Variants in SYCP1 observed in about 807,000 individuals in gnomAD.
SYCP1 encodes cancer/testis antigen 8.
SYCP1 carries 64 observed loss-of-function variants against 153.1 expected under a neutral mutation model. That is an observed-to-expected ratio of 0.42 (90% CI 0.34 to 0.51). The LOEUF (loss-of-function observed/expected upper bound fraction) is 0.51. Among genes scored for constraint, SYCP1 ranks in the 20% least tolerant of loss-of-function variants. The pLI, the probability that SYCP1 is intolerant of heterozygous loss-of-function variation, is 0.06. For missense variants in SYCP1, 997 were observed against 1,049.0 expected, an observed-to-expected ratio of 0.95 and a Z score of 0.68; for synonymous variants, 384 against 341.8, an observed-to-expected ratio of 1.12 and a Z score of -1.36.
At position 114,995,328 on chromosome 1, in the gene SYCP1, G is replaced by T; in HGVS notation, c.*309G>T. 2 of 191,340 alleles carry T rather than the reference G, an allele frequency of 1.0e-5. No individual in the cohort carries two copies. Among genetic ancestry groups the T allele is most frequent in the Non-Finnish European group, 2.2e-5 (2 of 92,990 alleles). 11.9% of individuals were successfully genotyped at this position (191,340 alleles called of 1,614,324 possible). A position where few individuals can be genotyped will look rare whatever the true frequency, so the allele number is the denominator to read the frequency against. On this transcript the variant is annotated 3_prime_UTR_variant, in exon 32 of 32. Transcript: ENST00000369522. Reference sequence around the variant, plus strand: ...TGAATGCTAAGAATGCATTATTGAGGGTCATTCTTTATTCTTTACTATTAA... The same window carrying T: ...TGAATGCTAAGAATGCATTATTGAGTGTCATTCTTTATTCTTTACTATTAA...
chr1:114,954,479 A>G (rs1341019871), intron 27 of SYCP1, among the ~76,000 whole-genome samples: 1 of 151,672 alleles, frequency 6.6e-6, no homozygotes, highest in African/African-American at 2.4e-5. Context: ...GAAAGGATGA[A>G]GCACTAATAT....
Position 114,994,954 on chromosome 1 carries a change from TG to T in SYCP1, c.2869del (p.Ala957LeufsTer2). On this transcript the variant is annotated frameshift_variant, in exon 32 of 32. Coordinates refer to ENST00000369522, the MANE Select transcript of SYCP1 (RefSeq NM_003176.4). LOFTEE classifies it high-confidence loss of function. ...GAIRKMREDR[W>X]AVIAKMDRKK... ...TATAAGAAAAATGCGGGAGGACCGT[TG>T]GGCTGTAATTGCTAAAATGGATAGA... The T allele has an allele frequency of 6.2e-7, 1 of 1,608,882 alleles. No homozygotes were observed. The highest frequency in any genetic ancestry group is 8.5e-7 in the Non-Finnish European group (1 of 1,177,104).
At chr1:114,913,307 G>A (rs1409852808) in intron 19 of SYCP1, among the ~76,000 whole-genome samples, 157 bp downstream of exon 19, 2 of 151,904 alleles carry the variant, frequency 1.3e-5, no homozygotes, top group African/African-American at 4.8e-5. Flanking sequence ...TTATAGGGTG[G>A]TAATAGGCAA....
At chr1:114,854,671 T>A (rs1663810683), upstream of SYCP1, 1 of 152,212 alleles carries the variant, frequency 6.6e-6, no homozygotes, top group African/African-American at 2.4e-5. Flanking sequence ...CTTCAGTCTG[T>A]CATAGAGCCT....
chr1:114,971,729 T>G (rs1433326995), intron 27 of SYCP1, among the ~76,000 whole-genome samples: 1 of 152,208 alleles, frequency 6.6e-6, no homozygotes, highest in Non-Finnish European at 1.5e-5. Flanking sequence ...ACTGATTTAT[T>G]TGTGTATGTT....
intron 3 of SYCP1, 44 bp downstream of exon 3, chr1:114,856,701 T>C: frequency 7.2e-7 from 1 of 1,379,510 alleles, no homozygotes. Flanking sequence ...ATAGAAACAT[T>C]GTGTTACATA....
intron 27 of SYCP1, among the ~76,000 whole-genome samples, chr1:114,974,737 A>G (rs1672705412): frequency 2.6e-5 from 4 of 151,748 alleles, no homozygotes; most frequent in Admixed American, 2.6e-4. Flanking sequence ...TTTTCTTTTG[A>G]TGGACATTTG....
intron 16 of SYCP1, among the ~76,000 whole-genome samples, chr1:114,903,059 T>C (rs1056517362): frequency 3.3e-5 from 5 of 152,134 alleles, no homozygotes; most frequent in Non-Finnish European, 7.4e-5. Context: ...AGTGTGACTA[T>C]AATCCCAGCT....
chr1:114,865,358 G>C (rs1015974125), intron 8 of SYCP1, among the ~76,000 whole-genome samples: 13 of 152,078 alleles, frequency 8.5e-5, no homozygotes, highest in Non-Finnish European at 1.5e-4. Flanking sequence ...TTATATCCTG[G>C]ATTATGTTGT....
At chr1:114,978,060 A>G (rs779883057) in intron 28 of SYCP1, among the ~76,000 whole-genome samples, 1 of 151,712 alleles carries the variant, frequency 6.6e-6, no homozygotes, top group East Asian at 1.9e-4. Context: ...TATATTCTGA[A>G]CCAATTGAGA....
chr1:114,902,522 C>T (rs982203888), intron 16 of SYCP1, among the ~76,000 whole-genome samples: 3 of 143,108 alleles, frequency 2.1e-5, no homozygotes, highest in East Asian at 3.9e-4. Flanking sequence ...CAGATTGAAT[C>T]CCTGGTTACC....
chr1:114,941,826 T>C (rs1230717789), intron 23 of SYCP1, among the ~76,000 whole-genome samples: 1 of 152,124 alleles, frequency 6.6e-6, no homozygotes, highest in African/African-American at 2.4e-5. Flanking sequence ...ACATACTTTT[T>C]CATGAACAAA....
intron 12 of SYCP1, among the ~76,000 whole-genome samples, chr1:114,882,299 A>G (rs1011514280): frequency 4.6e-5 from 7 of 152,140 alleles, no homozygotes; most frequent in African/African-American, 9.7e-5. Context: ...TCTTTTTTCT[A>G]TTTCAACAGT....
At position 114,995,204 on chromosome 1, in the gene SYCP1, T is replaced by C. The variant is rs1396835946; in HGVS notation, c.*185T>C. ...CTACATATTGTCTGGAAACCTGTCATTGTATTCAGATAATTAGATGATTAT... is the reference window on the plus strand; with the variant it reads ...CTACATATTGTCTGGAAACCTGTCACTGTATTCAGATAATTAGATGATTAT... On this transcript the variant is annotated 3_prime_UTR_variant, in exon 32 of 32. Coordinates refer to ENST00000369522, the MANE Select transcript of SYCP1 (RefSeq NM_003176.4). 1 of 492,466 alleles carries C rather than the reference T, an allele frequency of 2.0e-6. No individual in the cohort carries two copies. The highest frequency in any genetic ancestry group is 2.0e-5 in the African/African-American group (1 of 50,644). 30.5% of individuals were successfully genotyped at this position (492,466 alleles called of 1,614,324 possible).
In SYCP1 at chr1:114,984,783, T is replaced by C. The variant is rs767781660; in HGVS notation, c.2618T>C (p.Ile873Thr). 5 of 1,517,502 alleles carry C rather than the reference T, an allele frequency of 3.3e-6. No individual in the cohort carries two copies. 94.0% of individuals were successfully genotyped at this position (1,517,502 alleles called of 1,614,324 possible). The change falls in exon 30 of 32, where the codon ATA (isoleucine) becomes ACA (threonine). Residue 873 changes from isoleucine to threonine, a missense_variant. Transcript: ENST00000369522. ...PKLQQRENLN[I>T]PIEESKKKRK... The stretch of plus-strand genomic sequence containing the variant: ...CTACAGCAAAGAGAAAACTTGAATA[T>C]ACCCATTGAAGAAAGTAAAAAAAAG...
chr1:114,897,640 G>A (rs1349441408), intron 16 of SYCP1, among the ~76,000 whole-genome samples: 1 of 152,106 alleles, frequency 6.6e-6, no homozygotes, highest in Admixed American at 6.5e-5. Flanking sequence ...ACCTATCAGC[G>A]AAGAGAGGAG....
intron 16 of SYCP1, among the ~76,000 whole-genome samples, chr1:114,905,746 A>AT (rs945008287): frequency 6.6e-6 from 1 of 151,966 alleles, no homozygotes. Flanking sequence ...TATGGATTTA[A>AT]TTTTTTTTAT....
chr1:114,960,136 T>C (rs1399020459), intron 27 of SYCP1, among the ~76,000 whole-genome samples: 10 of 151,536 alleles, frequency 6.6e-5, no homozygotes, highest in Admixed American at 5.9e-4. Context: ...ATACAGTCTA[T>C]AGCAGCTGAT....
intron 15 of SYCP1, among the ~76,000 whole-genome samples, chr1:114,893,525 G>A (rs1287141768): frequency 6.6e-6 from 1 of 152,082 alleles, no homozygotes. Context: ...CAGGGATCTG[G>A]TATCCTGTTG....
Sources: allele counts gnomAD v4.1 joint callset (sites outside exome capture counted in the v4.1 genomes callset), GRCh38; gene constraint gnomAD v4.1.1; transcripts MANE v1.5; gene names NCBI Gene and HGNC (gene_info 2026-07-23, HGNC 2026-07-21).